Variants in PALLD observed in about 807,000 individuals in gnomAD.
PALLD encodes palladin.
Under a neutral mutation model 123.5 loss-of-function variants are expected in PALLD, and 61 were observed. The observed-to-expected ratio is 0.49, with a 90% CI of 0.40 to 0.61. PALLD has a LOEUF of 0.61. Ranked by LOEUF, PALLD falls within the 20% of genes least tolerant of loss-of-function variation. The pLI is 0.00. For missense variants in PALLD, 1,273 were observed against 1,377.0 expected, an observed-to-expected ratio of 0.92 and a Z score of 1.20; for synonymous variants, 465 against 496.4, an observed-to-expected ratio of 0.94 and a Z score of 0.84.
intron 2 of PALLD, among the ~76,000 whole-genome samples, chr4:168,580,890 T>G (rs1423447826): frequency 1.3e-5 from 2 of 151,990 alleles, no homozygotes; most frequent in African/African-American, 4.8e-5. Context: ...AAATACTGCA[T>G]GTTCTCACTT....
In PALLD at chr4:168,869,371, G is replaced by T. The variant is rs1164376792; in HGVS notation, c.1965-21551G>T. ...ACTGACAGTGCCATGCCAGCCTTGTGGGCTGGAGTAGTATGGAGGAGGGAG... is the reference window on the plus strand; with the variant it reads ...ACTGACAGTGCCATGCCAGCCTTGTTGGCTGGAGTAGTATGGAGGAGGGAG... On this transcript the variant is annotated intron_variant, in intron 10 of 21. Coordinates refer to ENST00000505667, the MANE Select transcript of PALLD (RefSeq NM_001166108.2). This position sits in a 1 kb window ranked among gnomAD's most constrained non-coding sequence, Gnocchi z 4.5. Among the ~76,000 whole-genome samples, 1 of 152,120 alleles carries T rather than the reference G, an allele frequency of 6.6e-6. No homozygotes were observed. The highest frequency in any genetic ancestry group is 2.4e-5 in the African/African-American group (1 of 41,426).
intron 10 of PALLD, among the ~76,000 whole-genome samples, chr4:168,845,126 C>T (rs945927432): frequency 6.6e-6 from 1 of 152,076 alleles, no homozygotes; most frequent in South Asian, 2.1e-4. Flanking sequence ...GGCACCGGAG[C>T]AGAGGAGGTG....
At chr4:168,700,021 G>C in intron 8 of PALLD, 1 of 283,404 alleles carries the variant, frequency 3.5e-6, no homozygotes, top group Non-Finnish European at 7.1e-6. Flanking sequence ...TTTTACAGAT[G>C]TCTTATACGT....
intron 2 of PALLD, among the ~76,000 whole-genome samples, chr4:168,569,464 T>C (rs1768753960): frequency 6.6e-6 from 1 of 152,128 alleles, no homozygotes. Flanking sequence ...AGGGCTGAAG[T>C]TTGCTTCAAG....
intron 2 of PALLD, among the ~76,000 whole-genome samples, chr4:168,591,027 G>T (rs1029552781): frequency 2.0e-5 from 3 of 151,816 alleles, no homozygotes; most frequent in Non-Finnish European, 4.4e-5. Context: ...TTACGGGCCT[G>T]TGCCACCATA....
At chr4:168,502,585 A>G (rs1233102189) in intron 1 of PALLD, among the ~76,000 whole-genome samples, 3 of 152,224 alleles carry the variant, frequency 2.0e-5, no homozygotes, top group Non-Finnish European at 2.9e-5. Flanking sequence ...ATAAAACAGA[A>G]GAAAAACCTA....
At chr4:168,689,659 GCTGGTCTCGAA>G (rs1219157866) in intron 6 of PALLD, among the ~76,000 whole-genome samples, 1 of 151,690 alleles carries the variant, frequency 6.6e-6, no homozygotes, top group Non-Finnish European at 1.5e-5. Context: ...TGTTGGTCAG[GCTGGTCTCGAA>G]CTGCTGACCC....
At chr4:168,604,432 G>C (rs1043560617) in intron 2 of PALLD, among the ~76,000 whole-genome samples, 1 of 152,098 alleles carries the variant, frequency 6.6e-6, no homozygotes, top group African/African-American at 2.4e-5. Flanking sequence ...CACGTAACAT[G>C]GCCAGTTTAA....
chr4:168,793,921 G>A (rs1738008162), intron 10 of PALLD, among the ~76,000 whole-genome samples: 1 of 152,142 alleles, frequency 6.6e-6, no homozygotes, highest in South Asian at 2.1e-4. Flanking sequence ...CTAGGCCTAG[G>A]TGAAACCTCT....
At chr4:168,562,750 C>A (rs567659831) in intron 2 of PALLD, among the ~76,000 whole-genome samples, 2 of 152,170 alleles carry the variant, frequency 1.3e-5, no homozygotes, top group East Asian at 3.9e-4. Flanking sequence ...CAGGAGGTGA[C>A]CCTGAAAAGA....
intron 15 of PALLD, among the ~76,000 whole-genome samples, chr4:168,905,990 T>G (rs1438810044): frequency 6.6e-6 from 1 of 152,114 alleles, no homozygotes; most frequent in African/African-American, 2.4e-5. Flanking sequence ...TCCACCTGCC[T>G]CGGCCTCTTT....
rs56364164 is a variant in PALLD, at chr4:168,774,727, CAAAAA to C, written c.1964+62819_1964+62823del. ...TGGGAAACAGAGCAAGACTGCATCT[CAAAAA>C]AAAAAAAAAAAAAAGATAGCAAATA... On this transcript the variant is annotated intron_variant, in intron 10 of 21. Coordinates refer to ENST00000505667, the MANE Select transcript of PALLD (RefSeq NM_001166108.2). Among the ~76,000 whole-genome samples the C allele has an allele frequency of 3.8e-4, 28 of 73,216 alleles. 1 individual carries two copies. In the East Asian group the frequency reaches 7.9e-3, roughly 21 times the overall value. The allele number at this position is 73,216 out of a possible 152,430, so 48.0% of individuals were successfully genotyped here.
intron 10 of PALLD, among the ~76,000 whole-genome samples, chr4:168,794,844 G>A (rs900892038): frequency 1.3e-5 from 2 of 152,236 alleles, no homozygotes; most frequent in Non-Finnish European, 2.9e-5. Flanking sequence ...GGTAGTCATA[G>A]TAGTGTGTTT....
At chr4:168,854,991 T>A (rs1296622345) in intron 10 of PALLD, among the ~76,000 whole-genome samples, 55 of 152,170 alleles carry the variant, frequency 3.6e-4, no homozygotes, top group Non-Finnish European at 5.9e-5. Flanking sequence ...TTTCCTGATA[T>A]TTGTGGGAAG....
chr4:168,544,281 T>A (rs1452300031), intron 2 of PALLD, among the ~76,000 whole-genome samples: 2 of 152,268 alleles, frequency 1.3e-5, no homozygotes, highest in Non-Finnish European at 2.9e-5. Flanking sequence ...GACTTATTTG[T>A]CCATTTCAAC....
chr4:168,497,846 G>A (rs932381543), intron 1 of PALLD, among the ~76,000 whole-genome samples: 1 of 152,176 alleles, frequency 6.6e-6, no homozygotes, highest in African/African-American at 2.4e-5. Context: ...TTTTTATCAT[G>A]TTGTTTTAAG....
rs192921918 is a variant in PALLD at position 168,770,190 on chromosome 4, A to G, written c.1964+58267A>G. Among the ~76,000 whole-genome samples the G allele has an allele frequency of 1.5e-4, 23 of 152,360 alleles. No individual in the cohort carries two copies. The South Asian group carries it at 4.1e-3, about 27-fold the overall frequency. ...ACATCTACTCTGGAAACGGTTGTCT[A>G]AGGTTATGCCCTTTCTGGTAATATT... On this transcript the variant is annotated intron_variant, in intron 10 of 21. Transcript: ENST00000505667.
At chr4:168,802,742 G>A (rs11931759) in intron 10 of PALLD, among the ~76,000 whole-genome samples, 7,919 of 151,884 alleles carry the variant, frequency 0.052, 707 homozygotes, top group African/African-American at 0.18. Context: ...CCAGGCTGGA[G>A]TGCAATGGCA....
chr4:168,730,604 G>A (rs757095649), intron 10 of PALLD, among the ~76,000 whole-genome samples: 1 of 152,112 alleles, frequency 6.6e-6, no homozygotes, highest in Admixed American at 6.5e-5. Context: ...TGCTTAGCTA[G>A]AATGTGTCAA....
Sources: gnomAD v4.1 joint callset for allele counts (sites outside exome capture counted in the v4.1 genomes callset) on GRCh38, gnomAD v4.1.1 for gene constraint, Gnocchi (gnomAD v3.1) non-coding constraint, MANE v1.5 for transcripts, NCBI Gene and HGNC (gene_info 2026-07-23, HGNC 2026-07-21) for gene names.